Variants in ECM2 observed in about 807,000 individuals in gnomAD.
The protein encoded by ECM2 is extracellular matrix protein 2, female organ and adipocyte specific.
ECM2 carries 57 observed loss-of-function variants against 67.5 expected under a neutral mutation model. That is an observed-to-expected ratio of 0.84 (90% CI 0.68 to 1.05). The LOEUF is 1.05. Ranked by LOEUF, ECM2 falls within the 50% of genes least tolerant of loss-of-function variation. The probability of loss-of-function intolerance (pLI) is 0.00; values close to 1 mark genes in which losing one functional copy is unlikely to be tolerated. For missense variants in ECM2, 741 were observed against 822.8 expected, an observed-to-expected ratio of 0.90 and a Z score of 1.22; for synonymous variants, 258 against 294.5, an observed-to-expected ratio of 0.88 and a Z score of 1.27.
At chr9:92,552,429 C>T in the ECM2 span, among the ~76,000 whole-genome samples, 1 of 152,176 alleles carries the variant, frequency 6.6e-6, no homozygotes, top group African/African-American at 2.4e-5. Context: ...CACTGTTTCC[C>T]ATAGTGGCTG....
the ECM2 span, among the ~76,000 whole-genome samples, chr9:92,551,916 G>GGTGTGTGT: frequency 8.6e-4 from 75 of 86,744 alleles, 1 homozygote; most frequent in African/African-American, 2.5e-3. Flanking sequence ...TTATATATAT[G>GGTGTGTGT]GTGTGTGTGT....
At chr9:92,524,748 A>G (rs1201877458) in intron 1 of ECM2, among the ~76,000 whole-genome samples, 1 of 152,222 alleles carries the variant, frequency 6.6e-6, no homozygotes, top group Non-Finnish European at 1.5e-5. Flanking sequence ...TGCCGCTGTT[A>G]TCTTTTTAAT....
At chr9:92,507,038 T>G (rs331378) in intron 6 of ECM2, among the ~76,000 whole-genome samples, 135,424 of 152,152 alleles carry the variant, frequency 0.89, 60,432 homozygotes, top group East Asian at 0.95. Flanking sequence ...CTCCCGAGTA[T>G]CTGGCATTGC....
intron 6 of ECM2, among the ~76,000 whole-genome samples, chr9:92,506,232 G>A (rs1035003185): frequency 1.3e-5 from 2 of 152,204 alleles, no homozygotes; most frequent in Non-Finnish European, 2.9e-5. Context: ...CTCTGAACAA[G>A]GGAGTCAGAA....
intron 4 of ECM2, among the ~76,000 whole-genome samples, chr9:92,512,811 T>TG (rs1315272028): frequency 6.6e-6 from 1 of 152,190 alleles, no homozygotes; most frequent in Non-Finnish European, 1.5e-5. Flanking sequence ...ACCATAACAG[T>TG]GTAGCTCAGC....
downstream of ECM2, among the ~76,000 whole-genome samples, chr9:92,494,542 A>T (rs1384471850): frequency 6.6e-6 from 1 of 152,128 alleles, no homozygotes; most frequent in African/African-American, 2.4e-5. Context: ...AGTTATCTTC[A>T]TATTATTATT....
intron 1 of ECM2, among the ~76,000 whole-genome samples, chr9:92,528,373 G>A (rs948372366): frequency 2.0e-5 from 3 of 151,662 alleles, no homozygotes; most frequent in African/African-American, 7.2e-5. Flanking sequence ...GAAATCTGAG[G>A]ACACCAAAGA....
chr9:92,559,098 C>A, the ECM2 span, among the ~76,000 whole-genome samples: 1 of 152,206 alleles, frequency 6.6e-6, no homozygotes, highest in Non-Finnish European at 1.5e-5. Flanking sequence ...CCTCTGAAGT[C>A]TGCACACTGG....
At position 92,500,965 on chromosome 9, in the gene ECM2, C is replaced by T; in HGVS notation, c.1693G>A (p.Gly565Arg). The T allele has an allele frequency of 1.2e-6, 2 of 1,614,142 alleles. No homozygotes were observed. The highest frequency in any genetic ancestry group is 1.7e-6 in the Non-Finnish European group (2 of 1,180,036). The change falls in exon 9 of 10, where the codon GGG becomes AGG. Residue 565 changes from glycine to arginine, a missense_variant. By Grantham distance (125) the Gly-to-Arg change is moderately radical (BLOSUM62 -2). Coordinates refer to ENST00000344604, the MANE Select transcript of ECM2 (RefSeq NM_001393.4). ...PKSLLHLVLL[G>R]NQIERIPGYV... ...CCAGGGATCCGTTCAATCTGGTTCC[C>T]AAGGAGTACTAGGTGCAGCAAGGAC...
At chr9:92,514,124 CTTT>C (rs34816093) in intron 4 of ECM2, among the ~76,000 whole-genome samples, 22 of 136,278 alleles carry the variant, frequency 1.6e-4, no homozygotes, top group Admixed American at 3.0e-4. Context: ...GAATCGTTCA[CTTT>C]TTTTTTTTTT....
chr9:92,510,364 C>T (rs777874249), intron 5 of ECM2, among the ~76,000 whole-genome samples: 2 of 152,220 alleles, frequency 1.3e-5, no homozygotes, highest in African/African-American at 2.4e-5. Flanking sequence ...TCCACCTTTA[C>T]AGCAATAGAC....
At chr9:92,537,602 G>A (rs567310321), upstream of ECM2, among the ~76,000 whole-genome samples, 18 of 152,194 alleles carry the variant, frequency 1.2e-4, no homozygotes, top group Non-Finnish European at 2.6e-4. Flanking sequence ...GGAGGTTGCA[G>A]TGAGCCAAGA....
chr9:92,553,301 T>G, the ECM2 span, among the ~76,000 whole-genome samples: 1 of 152,244 alleles, frequency 6.6e-6, no homozygotes, highest in South Asian at 2.1e-4. Flanking sequence ...TTATGCTGTT[T>G]TGGTGACTGT....
intron 3 of ECM2, chr9:92,516,713 T>G (rs1243344240): frequency 6.6e-6 from 1 of 152,256 alleles, no homozygotes; most frequent in Non-Finnish European, 1.5e-5. Context: ...TTGTGACTCT[T>G]ACTTTGTAAA....
At chr9:92,536,035 G>A, upstream of ECM2, 1 of 505,056 alleles carries the variant, frequency 2.0e-6, no homozygotes, top group Non-Finnish European at 3.9e-6. Flanking sequence ...AAGGACAGAA[G>A]GGAATGTTGA....
intron 4 of ECM2, among the ~76,000 whole-genome samples, chr9:92,512,701 T>C (rs1847428813): frequency 6.6e-6 from 1 of 152,226 alleles, no homozygotes; most frequent in African/African-American, 2.4e-5. Flanking sequence ...TAGGTTTTTG[T>C]TTTAACATTT....
In ECM2 at chr9:92,515,004, C is replaced by T. The variant is rs182133503; in HGVS notation, c.681G>A (p.Lys227=). 1 of 1,614,164 alleles carries T rather than the reference C, an allele frequency of 6.2e-7. No homozygotes were observed. Among genetic ancestry groups the T allele is most frequent in the East Asian group, 2.2e-5 (1 of 44,892 alleles). ...GATTTCTAGATTCAGGGGTCTCTCTCTTTTGCTCTGTATCTTCTTCTTTCA... is the reference window on the plus strand; with the variant it reads ...GATTTCTAGATTCAGGGGTCTCTCTTTTTTGCTCTGTATCTTCTTCTTTCA... ...EEVKEEDTEQ[K]RETPESRNQG... is the part of the protein sequence containing the mutation. The change falls in exon 4 of 10, where the codon AAG becomes AAA. Residue 227 remains lysine (K), a synonymous_variant. Transcript: ENST00000344604.
In ECM2 at chr9:92,533,329, ATAT is replaced by A. The variant is rs1248627918; in HGVS notation, c.-28+2601_-28+2603del. Among the ~76,000 whole-genome samples, 172 of 43,498 alleles carry A rather than the reference ATAT, an allele frequency of 4.0e-3. 1 individual carries two copies. Among genetic ancestry groups the A allele is most frequent in the African/African-American group, 4.8e-3 (49 of 10,290 alleles). The allele number at this position is 43,498 out of a possible 152,430, so 28.5% of individuals were successfully genotyped here. A position where few individuals can be genotyped will look rare whatever the true frequency, so the allele number is the denominator to read the frequency against. On this transcript the variant is annotated intron_variant, in intron 1 of 9. Coordinates refer to ENST00000344604, the MANE Select transcript of ECM2 (RefSeq NM_001393.4). Reference sequence around the variant, plus strand: ...AAAAAAAAAAAAAAAAAAAAAAAAAATATATATATATATATATATATATATATA... The same window carrying A: ...AAAAAAAAAAAAAAAAAAAAAAAAAAATATATATATATATATATATATATA...
chr9:92,556,919 T>C, the ECM2 span, among the ~76,000 whole-genome samples: 1 of 152,224 alleles, frequency 6.6e-6, no homozygotes. Flanking sequence ...TTTTGTTTTA[T>C]AGGTCCTGTG....
Sources: allele counts gnomAD v4.1 joint callset (sites outside exome capture counted in the v4.1 genomes callset), GRCh38; gene constraint gnomAD v4.1.1; transcripts MANE v1.5; gene names NCBI Gene and HGNC (gene_info 2026-07-23, HGNC 2026-07-21).